Variants in ALDH1A3 observed in about 807,000 individuals in gnomAD.
ALDH1A3 encodes aldehyde dehydrogenase 1 family member A3.
In ALDH1A3, 28 loss-of-function variants were observed where a neutral mutation model predicts 57.5. That is an observed-to-expected ratio of 0.49 (90% CI 0.36 to 0.67). The LOEUF is 0.67. ALDH1A3 is among the 30% of genes least tolerant of loss of function. ALDH1A3 has a pLI of 0.00. For synonymous variants in ALDH1A3, 281 were observed against 264.8 expected, an observed-to-expected ratio of 1.06 and a Z score of -0.59; for missense variants, 507 against 669.4, an observed-to-expected ratio of 0.76 and a Z score of 2.68.
intron 1 of ALDH1A3, chr15:100,880,712 G>GT (rs1410760297): frequency 6.5e-6 from 1 of 153,014 alleles, no homozygotes; most frequent in East Asian, 1.9e-4. Context: ...CCGCAGAAGC[G>GT]CACGGTTCTC....
At position 100,892,583 on chromosome 15, in the gene ALDH1A3, C is replaced by G. The variant is rs765816810; in HGVS notation, c.419C>G (p.Thr140Ser). ...FFIDLEGCIR[T>S]LRYFAGWADK... ...ATCGACCTGGAGGGCTGTATTAGAA[C>G]CCTCAGATACTTTGCAGGGTGGGCA... The change falls in exon 4 of 13, where the codon ACC (threonine) becomes AGC (serine). Residue 140 changes from threonine to serine, a missense_variant. Physicochemically the swap from Thr to Ser is moderately conservative, Grantham distance 58. Around this residue, in one of 2 missense-constraint regions of ALDH1A3, gnomAD observed 432 missense variants for 608.4 expected, o/e 0.71. Coordinates refer to ENST00000329841, the MANE Select transcript of ALDH1A3 (RefSeq NM_000693.4). 6.2e-7 allele frequency: 1 copy of G among 1,613,268 alleles called. No individual in the cohort carries two copies. Among genetic ancestry groups the G allele is most frequent in the South Asian group, 1.1e-5 (1 of 90,754 alleles).
intron 12 of ALDH1A3, among the ~76,000 whole-genome samples, chr15:100,909,144 T>C (rs2041856144): frequency 9.2e-6 from 1 of 109,048 alleles, no homozygotes; most frequent in Admixed American, 8.9e-5. Flanking sequence ...CCTCCACATG[T>C]GTGTGCAAAC....
chr15:100,880,111 C>A, intron 1 of ALDH1A3, 105 bp downstream of exon 1: 1 of 804,428 alleles, frequency 1.2e-6, no homozygotes, highest in Non-Finnish European at 1.7e-6. Flanking sequence ...GTCCGCCGGG[C>A]GCCGCCGAGA....
At chr15:100,883,607 A>G (rs1246694103) in intron 1 of ALDH1A3, among the ~76,000 whole-genome samples, 1 of 150,820 alleles carries the variant, frequency 6.6e-6, no homozygotes, top group African/African-American at 2.4e-5. Flanking sequence ...CAACCGACTC[A>G]GACCAGGCTT....
chr15:100,913,846 T>C (rs1055412991), intron 12 of ALDH1A3: 5 of 152,296 alleles, frequency 3.3e-5, no homozygotes, highest in Non-Finnish European at 7.3e-5. Context: ...TCACAGGTCT[T>C]TTTAACTACA....
chr15:100,900,502 G>A (rs1176754455), intron 8 of ALDH1A3, 73 bp from the exon 9 acceptor site: 13 of 1,377,382 alleles, frequency 9.4e-6, no homozygotes, highest in African/African-American at 1.4e-5. Context: ...AATTGCAGCT[G>A]TCACCAGTCC....
intron 9 of ALDH1A3, among the ~76,000 whole-genome samples, chr15:100,904,298 A>T (rs1319440216): frequency 6.6e-6 from 1 of 151,722 alleles, no homozygotes; most frequent in Non-Finnish European, 1.5e-5. Context: ...GATCTGAGTC[A>T]GTATTTTTAA....
intron 9 of ALDH1A3, among the ~76,000 whole-genome samples, chr15:100,902,149 C>T (rs920065583): frequency 1.3e-5 from 2 of 152,148 alleles, no homozygotes; most frequent in African/African-American, 4.8e-5. Flanking sequence ...TTTTTTACCC[C>T]GTCGTTATTT....
chr15:100,900,766 C>G lies in ALDH1A3; in HGVS notation c.1068+7C>G. ...AACAGAACAGGGGCCTCAGGTAATC[C>G]CCCTGGTGTGTGTGAAACCATGGTG... is the stretch of plus-strand genomic sequence containing the variant. On this transcript the variant is annotated splice_region_variant and intron_variant, in intron 9 of 12. Coordinates refer to ENST00000329841, the MANE Select transcript of ALDH1A3 (RefSeq NM_000693.4). The G allele has an allele frequency of 3.1e-6, 5 of 1,613,218 alleles. No homozygotes were observed. Among genetic ancestry groups the G allele is most frequent in the Non-Finnish European group, 4.2e-6 (5 of 1,179,638 alleles).
intron 3 of ALDH1A3, chr15:100,888,447 G>C (rs1169724486): frequency 6.6e-6 from 1 of 152,138 alleles, no homozygotes; most frequent in Non-Finnish European, 1.5e-5. Flanking sequence ...CTCATCCTAA[G>C]AAACAATATT....
Position 100,895,935 on chromosome 15 carries a change from C to T in ALDH1A3, c.669C>T (p.Ala223=), listed in dbSNP as rs773180945. Residue 223 remains alanine, a splice_region_variant and synonymous_variant, in exon 7 of 13, where the codon GCC becomes GCT. Transcript: ENST00000329841. ...ALYLGSLIKE[A]GFPPGVVNIV... Reference sequence around the variant, plus strand: ...GTGCTATCTTGATTTCTTCCCAGGCCGGGTTCCCTCCAGGAGTGGTGAACA... The same window carrying T: ...GTGCTATCTTGATTTCTTCCCAGGCTGGGTTCCCTCCAGGAGTGGTGAACA... 34 of 1,611,452 alleles carry T rather than the reference C, an allele frequency of 2.1e-5. No individual in the cohort carries two copies. Among genetic ancestry groups the T allele is most frequent in the Admixed American group, 1.8e-4 (11 of 59,818 alleles).
intron 7 of ALDH1A3, 21 bp downstream of exon 7, chr15:100,896,067 C>T: frequency 2.5e-6 from 4 of 1,577,478 alleles, no homozygotes; most frequent in Non-Finnish European, 1.7e-6. Context: ...TCACAGGGTG[C>T]TGGGGAAAGT....
In ALDH1A3 at chr15:100,906,969, G is replaced by A. The variant is rs1416105091; in HGVS notation, c.1234-152G>A. 1 of 797,834 alleles carries A rather than the reference G, an allele frequency of 1.3e-6. No individual in the cohort carries two copies. Among genetic ancestry groups the A allele is most frequent in the Non-Finnish European group, 1.9e-6 (1 of 529,480 alleles). 49.4% of individuals were successfully genotyped at this position (797,834 alleles called of 1,614,324 possible). On this transcript the variant is annotated intron_variant, in intron 10 of 12. Transcript: ENST00000329841. The surrounding 1 kb of genome is among the most constrained non-coding windows in gnomAD (Gnocchi z 4.8). ...CCAATGGCAATGCAGCTGAAGCAAT[G>A]TTTGGACGTTCTTTCTTCTCTAATC...
chr15:100,896,794 C>T (rs907329143), intron 7 of ALDH1A3, among the ~76,000 whole-genome samples: 4 of 152,164 alleles, frequency 2.6e-5, no homozygotes, highest in East Asian at 1.9e-4. Flanking sequence ...GTTTTACAGC[C>T]GTTACAACAA....
At chr15:100,910,057 G>A (rs1352679407) in intron 12 of ALDH1A3, among the ~76,000 whole-genome samples, 1 of 152,210 alleles carries the variant, frequency 6.6e-6, no homozygotes, top group Non-Finnish European at 1.5e-5. Context: ...ATGCTGTGAA[G>A]GGATGGGCCT....
chr15:100,908,879 G>C (rs1040191487), intron 12 of ALDH1A3, among the ~76,000 whole-genome samples: 3 of 152,154 alleles, frequency 2.0e-5, no homozygotes, highest in African/African-American at 7.2e-5. Flanking sequence ...GGCTGACCCA[G>C]GTAAGGCTCC....
At chr15:100,898,331 A>C (rs1465661279) in intron 8 of ALDH1A3, 146 bp downstream of exon 8, 2 of 637,890 alleles carry the variant, frequency 3.1e-6, no homozygotes, top group East Asian at 5.8e-5. Flanking sequence ...TCCTGCCCAC[A>C]GTCAGCCAGC....
At chr15:100,899,272 C>T (rs945452901) in intron 8 of ALDH1A3, among the ~76,000 whole-genome samples, 2 of 152,306 alleles carry the variant, frequency 1.3e-5, no homozygotes, top group Middle Eastern at 3.4e-3. Context: ...TTTGGAGCCA[C>T]ACGGAGCATT....
chr15:100,901,185 G>A (rs1467068618), intron 9 of ALDH1A3, among the ~76,000 whole-genome samples: 1 of 152,230 alleles, frequency 6.6e-6, no homozygotes, highest in Non-Finnish European at 1.5e-5. Flanking sequence ...CAGACGGAGA[G>A]AGCCTGGGGC....
Sources: allele counts gnomAD v4.1 joint callset (sites outside exome capture counted in the v4.1 genomes callset), GRCh38; gene constraint gnomAD v4.1.1; regional missense constraint gnomAD v4.1.1; non-coding constraint Gnocchi (gnomAD v3.1); transcripts MANE v1.5; gene names NCBI Gene and HGNC (gene_info 2026-07-23, HGNC 2026-07-21).